PPP2R2B: variants seen among roughly 807,000 people sequenced by gnomAD.
The protein encoded by PPP2R2B is serine/threonine-protein phosphatase 2A 55 kDa regulatory subunit B beta isoform.
In PPP2R2B, 5 loss-of-function variants were observed where a neutral mutation model predicts 46.0. The ratio of observed to expected loss-of-function variants is 0.11; its 90% CI spans 0.06 to 0.23. The LOEUF is 0.23. Among genes scored for constraint, PPP2R2B ranks in the 10% least tolerant of loss-of-function variants. The pLI is 1.00. For missense variants in PPP2R2B, 367 were observed against 575.0 expected (o/e 0.64, Z 3.70); for synonymous variants, 215 against 206.7 (o/e 1.04, Z -0.34).
chr5:146,940,221 T>C (rs976882487), intron 1 of PPP2R2B, among the ~76,000 whole-genome samples: 6 of 152,156 alleles, frequency 3.9e-5, no homozygotes, highest in Admixed American at 1.3e-4. Context: ...CACTTTGTCT[T>C]AATAGAGCTA....
At chr5:146,655,339 T>TC (rs1776252775) in intron 5 of PPP2R2B, among the ~76,000 whole-genome samples, 1 of 152,098 alleles carries the variant, frequency 6.6e-6, no homozygotes, top group Non-Finnish European at 1.5e-5. Context: ...GGGAAGCTCT[T>TC]CCCCCCCAGA....
intron 1 of PPP2R2B, among the ~76,000 whole-genome samples, chr5:146,910,265 G>C (rs1180938943): frequency 1.3e-5 from 2 of 152,130 alleles, no homozygotes; most frequent in Non-Finnish European, 2.9e-5. Context: ...TTTGCAGATA[G>C]AAAAAAATTT....
intron 2 of PPP2R2B, among the ~76,000 whole-genome samples, chr5:146,851,977 T>C (rs1332885813): frequency 6.6e-6 from 1 of 152,140 alleles, no homozygotes; most frequent in African/African-American, 2.4e-5. Flanking sequence ...GGAGCATAAT[T>C]TGACCTCAAT....
chr5:146,769,936 A>T (rs1401916629), intron 2 of PPP2R2B, among the ~76,000 whole-genome samples: 1 of 151,958 alleles, frequency 6.6e-6, no homozygotes, highest in Non-Finnish European at 1.5e-5. Context: ...AATTAATTCT[A>T]AAAAAAACCC....
At chr5:146,789,836 G>A (rs960289234) in intron 2 of PPP2R2B, among the ~76,000 whole-genome samples, 2 of 152,184 alleles carry the variant, frequency 1.3e-5, no homozygotes, top group African/African-American at 2.4e-5. Context: ...GAATGTCTGT[G>A]GATAAACCTT....
chr5:146,637,438 C>T (rs909693047), intron 7 of PPP2R2B, among the ~76,000 whole-genome samples: 62 of 152,286 alleles, frequency 4.1e-4, no homozygotes, highest in South Asian at 1.0e-3. Context: ...ATCTATGTAG[C>T]GCAAGATTCA....
intron 5 of PPP2R2B, among the ~76,000 whole-genome samples, chr5:146,670,653 G>C (rs1025066591): frequency 6.6e-6 from 1 of 151,828 alleles, no homozygotes; most frequent in Admixed American, 6.6e-5. Flanking sequence ...GTGCCACCAG[G>C]CCTGGCTAAT....
chr5:146,711,144 C>T (rs118024961), intron 2 of PPP2R2B, among the ~76,000 whole-genome samples: 2 of 152,352 alleles, frequency 1.3e-5, no homozygotes, highest in East Asian at 3.9e-4. Flanking sequence ...GTTTCAGTCT[C>T]TTCATTGTAA....
intron 2 of PPP2R2B, among the ~76,000 whole-genome samples, chr5:146,853,823 T>C (rs2151384975): frequency 6.6e-6 from 1 of 152,160 alleles, no homozygotes; most frequent in Non-Finnish European, 1.5e-5. Flanking sequence ...ACTACCATTC[T>C]CCCTGCTTGG....
At chr5:146,720,624 G>T (rs1206244928) in intron 2 of PPP2R2B, among the ~76,000 whole-genome samples, 1 of 152,156 alleles carries the variant, frequency 6.6e-6, no homozygotes, top group Non-Finnish European at 1.5e-5. Context: ...CCATCAGAAA[G>T]AAGTTCACCC....
rs116809672 is a variant in PPP2R2B at position 146,734,533 on chromosome 5, T to C, written c.71-33391A>G. Among the ~76,000 whole-genome samples, 1,324 of 152,274 alleles carry C rather than the reference T, an allele frequency of 8.7e-3. 23 individuals are homozygous for C. Among genetic ancestry groups the C allele is most frequent in the African/African-American group, 0.031 (1,268 of 41,556 alleles). On this transcript the variant is annotated intron_variant, in intron 2 of 9. Coordinates refer to ENST00000394411, the MANE Select transcript of PPP2R2B (RefSeq NM_181675.4). ...CAAGAACTAGAATTCACTTCCAGGA[T>C]TGTTTGATTTCAAAGCTCATGTTCT...
chr5:146,715,372 T>G (rs1434169034), intron 2 of PPP2R2B, among the ~76,000 whole-genome samples: 2 of 152,154 alleles, frequency 1.3e-5, no homozygotes. Context: ...GACATTACAG[T>G]CTAAGAGAAA....
At chr5:146,960,859 T>A (rs1240218989) in intron 1 of PPP2R2B, among the ~76,000 whole-genome samples, 1 of 152,168 alleles carries the variant, frequency 6.6e-6, no homozygotes, top group African/African-American at 2.4e-5. Flanking sequence ...AAGGTACACC[T>A]CACAGCTCCT....
At chr5:146,951,688 T>G (rs1032528303) in intron 1 of PPP2R2B, among the ~76,000 whole-genome samples, 3 of 152,118 alleles carry the variant, frequency 2.0e-5, no homozygotes, top group African/African-American at 7.2e-5. Flanking sequence ...AAGGACATGA[T>G]CTCATTCCTT....
chr5:146,632,233 T>C (rs1774488382), intron 7 of PPP2R2B, among the ~76,000 whole-genome samples: 2 of 152,160 alleles, frequency 1.3e-5, no homozygotes, highest in Non-Finnish European at 2.9e-5. Flanking sequence ...ACACAGACAC[T>C]GATGGAAGGC....
intron 2 of PPP2R2B, chr5:146,707,398 A>G: frequency 1.3e-6 from 1 of 783,968 alleles, no homozygotes; most frequent in Non-Finnish European, 2.3e-6. Context: ...GGGGTTCAGC[A>G]GGCTCTGGTT....
intron 8 of PPP2R2B, among the ~76,000 whole-genome samples, chr5:146,597,516 T>G (rs1771295963): frequency 6.6e-6 from 1 of 152,188 alleles, no homozygotes; most frequent in South Asian, 2.1e-4. Context: ...CCTTTCTTGC[T>G]CTCTCTTTCC....
At chr5:146,593,417 C>A (rs1019672456) in intron 8 of PPP2R2B, among the ~76,000 whole-genome samples, 1 of 152,214 alleles carries the variant, frequency 6.6e-6, no homozygotes, top group African/African-American at 2.4e-5. Context: ...ATACCTACTA[C>A]GCACTTGAGA....
intron 5 of PPP2R2B, among the ~76,000 whole-genome samples, chr5:146,679,061 A>G (rs1777944579): frequency 1.4e-5 from 1 of 70,232 alleles, no homozygotes; most frequent in Non-Finnish European, 2.5e-5. Flanking sequence ...TTCATATGGA[A>G]CCAAAAAAGA....
Sources: gnomAD v4.1 joint callset for allele counts (sites outside exome capture counted in the v4.1 genomes callset) on GRCh38, gnomAD v4.1.1 for gene constraint, MANE v1.5 for transcripts, NCBI Gene and HGNC (gene_info 2026-07-23, HGNC 2026-07-21) for gene names.